The following SLC38A4 variants were observed in gnomAD, a reference collection of about 807,000 sequenced individuals.
SLC38A4 encodes sodium-coupled neutral amino acid transporter 4.
A neutral mutation model predicts 63.1 loss-of-function variants in SLC38A4; 20 were observed. The ratio of observed to expected loss-of-function variants is 0.32; its 90% confidence interval spans 0.22 to 0.46. SLC38A4 has a LOEUF of 0.46. Ranked by LOEUF, SLC38A4 falls within the 20% of genes least tolerant of loss-of-function variation. The pLI is 1.00. For missense variants in SLC38A4, 526 were observed against 663.6 expected, an observed-to-expected ratio of 0.79 and a Z score of 2.28; for synonymous variants, 230 against 225.5, an observed-to-expected ratio of 1.02 and a Z score of -0.18.
chr12:46,802,164 G>T (rs746163135), intron 2 of SLC38A4, among the ~76,000 whole-genome samples: 5 of 152,038 alleles, frequency 3.3e-5, no homozygotes, highest in African/African-American at 4.8e-5. Context: ...TTCTAGCTCT[G>T]CTCTTAGAAG....
At position 46,788,011 on chromosome 12, in the gene SLC38A4, A is replaced by T; in HGVS notation, c.231T>A (p.Phe77Leu). Residue 77 changes from phenylalanine to leucine, a missense_variant, in exon 5 of 17, where the codon TTT becomes TTA. Phe to Leu is a conservative substitution (Grantham distance 22, BLOSUM62 0). Coordinates refer to ENST00000266579, the MANE Select transcript of SLC38A4 (RefSeq NM_018018.5). The stretch of plus-strand genomic sequence containing the variant: ...TACTCAGGTTAAATGAAGACATTCC[A>T]AAGGAAGTGGTTCCGGGATGCTTGA... ...ADEHHPGTTS[F>L]GMSSFNLSNA... The T allele has an allele frequency of 1.2e-6, 2 of 1,613,826 alleles. No homozygotes were observed. The highest frequency in any genetic ancestry group is 1.7e-6 in the Non-Finnish European group (2 of 1,179,756).
intron 14 of SLC38A4, among the ~76,000 whole-genome samples, chr12:46,769,823 T>C (rs1466152903): frequency 6.6e-6 from 1 of 152,146 alleles, no homozygotes; most frequent in African/African-American, 2.4e-5. Context: ...CTAGGAGTAC[T>C]AGGCTATGCC....
At chr12:46,820,676 C>A (rs1190466474) in intron 1 of SLC38A4, among the ~76,000 whole-genome samples, 1 of 151,970 alleles carries the variant, frequency 6.6e-6, no homozygotes, top group African/African-American at 2.4e-5. Context: ...GATTTCAATT[C>A]TTTTGGATAT....
At chr12:46,784,193 T>C (rs1361044168) in intron 7 of SLC38A4, among the ~76,000 whole-genome samples, 1 of 152,062 alleles carries the variant, frequency 6.6e-6, no homozygotes, top group Non-Finnish European at 1.5e-5. Flanking sequence ...CAGTCACACA[T>C]AGAAAACGTC....
At chr12:46,812,875 T>C (rs1375962089) in intron 1 of SLC38A4, among the ~76,000 whole-genome samples, 1 of 152,066 alleles carries the variant, frequency 6.6e-6, no homozygotes, top group Non-Finnish European at 1.5e-5. Flanking sequence ...CATGTCGATA[T>C]GAAATCTCAA....
At chr12:46,802,236 G>T (rs1165198133) in intron 2 of SLC38A4, among the ~76,000 whole-genome samples, 5 of 152,028 alleles carry the variant, frequency 3.3e-5, no homozygotes, top group East Asian at 1.9e-4. Flanking sequence ...TTCCCAAAGA[G>T]TAGTTTCCAG....
intron 1 of SLC38A4, among the ~76,000 whole-genome samples, chr12:46,824,893 T>A (rs769503289): frequency 6.6e-6 from 1 of 152,256 alleles, no homozygotes; most frequent in Non-Finnish European, 1.5e-5. Flanking sequence ...ATAGAAACTA[T>A]ACACACATTA....
At position 46,764,964 on chromosome 12, in the gene SLC38A4, G is replaced by GA. The variant is rs1938266649; in HGVS notation, c.*1736dup. On this transcript the variant is annotated 3_prime_UTR_variant, in exon 17 of 17. Transcript: ENST00000266579. ...TATGAATTTTAATCCTGGTTATGAA[G>GA]AAAAAAATGGTGCTTTATTATTTGG... 1 of 152,360 alleles carries GA rather than the reference G, an allele frequency of 6.6e-6. No homozygotes were observed. Among genetic ancestry groups the GA allele is most frequent in the African/African-American group, 2.4e-5 (1 of 41,410 alleles). 9.4% of individuals were successfully genotyped at this position (152,360 alleles called of 1,614,324 possible).
At chr12:46,767,484 CAAGT>C (rs1318180939) in intron 16 of SLC38A4, among the ~76,000 whole-genome samples, 1 of 151,962 alleles carries the variant, frequency 6.6e-6, no homozygotes, top group Admixed American at 6.6e-5. Flanking sequence ...ACAAACAGGA[CAAGT>C]AATTTGCCAA....
At chr12:46,812,607 C>T (rs1939362832) in intron 1 of SLC38A4, among the ~76,000 whole-genome samples, 1 of 151,906 alleles carries the variant, frequency 6.6e-6, no homozygotes, top group Non-Finnish European at 1.5e-5. Flanking sequence ...GACAATAGAA[C>T]TATTGGTGGC....
intron 5 of SLC38A4, among the ~76,000 whole-genome samples, chr12:46,786,753 A>AAAG (rs1468343745): frequency 6.6e-6 from 1 of 152,184 alleles, no homozygotes; most frequent in East Asian, 1.9e-4. Context: ...ATTATACATA[A>AAAG]AAGAGTTCAA....
intron 4 of SLC38A4, 127 bp downstream of exon 4, chr12:46,788,401 C>T (rs756895065): frequency 4.2e-6 from 3 of 717,668 alleles, no homozygotes; most frequent in Non-Finnish European, 7.1e-6. Context: ...CCAGTAAGAG[C>T]CTGAATAAAC....
At chr12:46,814,963 C>T (rs1939409426) in intron 1 of SLC38A4, among the ~76,000 whole-genome samples, 1 of 151,824 alleles carries the variant, frequency 6.6e-6, no homozygotes, top group South Asian at 2.1e-4. Context: ...TCCAGTTTCA[C>T]TCATTCTTTG....
At chr12:46,780,355 G>A (rs1382591562) in intron 7 of SLC38A4, among the ~76,000 whole-genome samples, 1 of 151,940 alleles carries the variant, frequency 6.6e-6, no homozygotes, top group African/African-American at 2.4e-5. Context: ...CTGTGTTAGT[G>A]TCTATAACTT....
At chr12:46,788,100 T>G (rs1020916315) in intron 4 of SLC38A4, 69 bp from the exon 5 acceptor site, 1 of 1,161,320 alleles carries the variant, frequency 8.6e-7, no homozygotes, top group African/African-American at 1.5e-5. Context: ...GTTATCCTTA[T>G]TCTCACATTA....
rs547567948 is a variant in SLC38A4, at chr12:46,800,797, C to G, written c.-113+2806G>C. Among the ~76,000 whole-genome samples, 339 of 152,166 alleles carry G rather than the reference C, an allele frequency of 2.2e-3. 1 individual carries two copies. The highest frequency in any genetic ancestry group is 7.9e-3 in the African/African-American group (330 of 41,528). On this transcript the variant is annotated intron_variant, in intron 2 of 16. Transcript: ENST00000266579. The stretch of plus-strand genomic sequence containing the variant: ...GCACAGTGCCTAGTGTTACATTCCA[C>G]TAAGATAAATGCAATTTGATATGAT...
At chr12:46,791,407 C>G (rs1304101204) in intron 3 of SLC38A4, among the ~76,000 whole-genome samples, 1 of 152,120 alleles carries the variant, frequency 6.6e-6, no homozygotes, top group Non-Finnish European at 1.5e-5. Flanking sequence ...TTAGAAAATG[C>G]TATAATTTAC....
intron 12 of SLC38A4, 117 bp from the exon 13 acceptor site, chr12:46,777,121 T>A (rs550444059): frequency 9.8e-6 from 8 of 815,768 alleles, no homozygotes; most frequent in African/African-American, 1.8e-5. Flanking sequence ...AAGACATATT[T>A]AGTACATAAA....
At chr12:46,791,144 T>C (rs758553065) in intron 3 of SLC38A4, among the ~76,000 whole-genome samples, 7 of 152,192 alleles carry the variant, frequency 4.6e-5, no homozygotes, top group African/African-American at 1.7e-4. Flanking sequence ...TGCATGCCTT[T>C]CAGAAACATC....
Sources: gnomAD v4.1 joint callset for allele counts (sites outside exome capture counted in the v4.1 genomes callset) on GRCh38, gnomAD v4.1.1 for gene constraint, MANE v1.5 for transcripts, NCBI Gene and HGNC (gene_info 2026-07-23, HGNC 2026-07-21) for gene names.